Variants in ELAVL2 observed in about 807,000 individuals in gnomAD.
ELAVL2 encodes the protein ELAV like RNA binding protein 2, also known as ELAV-like protein 2.
In ELAVL2, 4 loss-of-function variants were observed where a neutral mutation model predicts 34.6. The ratio of observed to expected loss-of-function variants is 0.12; its 90% CI spans 0.06 to 0.26. The LOEUF (loss-of-function observed/expected upper bound fraction) is 0.26, where lower values mean the gene tolerates loss of function less well. Among genes scored for constraint, ELAVL2 ranks in the 10% least tolerant of loss-of-function variants. The probability of loss-of-function intolerance (pLI) is 1.00; values close to 1 mark genes in which losing one functional copy is unlikely to be tolerated. For synonymous variants in ELAVL2, 193 were observed against 154.8 expected (o/e 1.25, Z -1.83); for missense variants, 432 against 442.8 (o/e 0.98, Z 0.22).
In ELAVL2 at chr9:23,814,588, A is replaced by G. The variant is rs151256621; in HGVS notation, c.-16+11218T>C. 3.9e-4 allele frequency among the ~76,000 whole-genome samples: 60 copies of G among 152,320 alleles called. 1 individual carries two copies. In the East Asian group the frequency reaches 0.01, roughly 27 times the overall value. On this transcript the variant is annotated intron_variant, in intron 1 of 6. Transcript: ENST00000397312. ...CAGAAAAGACCCCAAGGGTTTTTAA[A>G]CAAAATAAGCCAGCAATCAGTAAAT...
intron 3 of ELAVL2, among the ~76,000 whole-genome samples, chr9:23,705,573 C>A (rs2039048207): frequency 6.6e-6 from 1 of 152,226 alleles, no homozygotes; most frequent in Non-Finnish European, 1.5e-5. Context: ...CAGTGGTCCC[C>A]AACCTTTTTG....
intron 2 of ELAVL2, 30 bp from the exon 3 acceptor site, chr9:23,731,155 T>C (rs376561798): frequency 8.2e-6 from 13 of 1,594,658 alleles, no homozygotes; most frequent in Middle Eastern, 1.7e-4. Flanking sequence ...AAAAGGCATA[T>C]ATTAGTTCTA....
chr9:23,847,389 T>A, the ELAVL2 span: 1 of 152,100 alleles, frequency 6.6e-6, no homozygotes, highest in African/African-American at 2.4e-5. Flanking sequence ...CTTTTATGCA[T>A]GAATACTTTT....
intron 2 of ELAVL2, among the ~76,000 whole-genome samples, chr9:23,755,262 G>C (rs1241306168): frequency 6.6e-6 from 1 of 152,086 alleles, no homozygotes; most frequent in African/African-American, 2.4e-5. Flanking sequence ...TACTGTATTT[G>C]ATTTCTTAAA....
Position 23,690,569 on chromosome 9 carries a change from A to G in ELAVL2, c.*1988T>C, listed in dbSNP as rs2032848647. 6.6e-6 allele frequency: 1 copy of G among 152,600 alleles called. No individual in the cohort carries two copies. Among genetic ancestry groups the G allele is most frequent in the African/African-American group, 2.4e-5 (1 of 41,452 alleles). 9.5% of individuals were successfully genotyped at this position (152,600 alleles called of 1,614,324 possible). On this transcript the variant is annotated 3_prime_UTR_variant, in exon 7 of 7. Coordinates refer to ENST00000397312, the MANE Select transcript of ELAVL2 (RefSeq NM_004432.5). ...AGTGGGTCAGCATGAAAACTCGCTTATTCACTTTAGCACGCGCCTCACAGT... is the reference window on the plus strand; with the variant it reads ...AGTGGGTCAGCATGAAAACTCGCTTGTTCACTTTAGCACGCGCCTCACAGT...
chr9:23,731,296 A>G (rs1246553419), intron 2 of ELAVL2, among the ~76,000 whole-genome samples, 171 bp from the exon 3 acceptor site: 2 of 152,018 alleles, frequency 1.3e-5, no homozygotes, highest in African/African-American at 4.8e-5. Context: ...TCTCCTGTCT[A>G]CTACATTTTC....
chr9:23,829,675 T>G (rs1322763748), upstream of ELAVL2: 4 of 152,294 alleles, frequency 2.6e-5, no homozygotes, highest in East Asian at 7.7e-4. Context: ...TAAAGTAGTA[T>G]GTGGACTTGC....
chr9:23,692,979 AT>A, intron 6 of ELAVL2, 95 bp from the exon 7 acceptor site: 1 of 1,139,482 alleles, frequency 8.8e-7, no homozygotes, highest in Non-Finnish European at 1.2e-6. Context: ...ATCCCCAAGA[AT>A]TTTAGTAACT....
At chr9:23,775,161 T>C (rs959912170) in intron 1 of ELAVL2, among the ~76,000 whole-genome samples, 3 of 152,174 alleles carry the variant, frequency 2.0e-5, no homozygotes, top group African/African-American at 7.2e-5. Context: ...ATCCTACAAC[T>C]AAAAGTAAAA....
intron 3 of ELAVL2, among the ~76,000 whole-genome samples, chr9:23,712,585 T>G (rs2041268669): frequency 6.6e-6 from 1 of 152,146 alleles, no homozygotes; most frequent in African/African-American, 2.4e-5. Context: ...ATCCTGAGAC[T>G]AGTACTTTCC....
In ELAVL2 at chr9:23,762,167, T is replaced by C; in HGVS notation, c.68A>G (p.Asn23Ser). ...NTANGPTTIN[N>S]NCSSPVDSGN... ...AGAGTCAACTGGTGACGAACAGTTG[T>C]TGTTTATGGTGGTTGGACCATTGGC... is the stretch of plus-strand genomic sequence containing the variant. Residue 23 changes from asparagine (N) to serine (S), a missense_variant, in exon 2 of 7, where the codon AAC (asparagine) becomes AGC (serine). Transcript: ENST00000397312. 1 of 1,613,658 alleles carries C rather than the reference T, an allele frequency of 6.2e-7. No homozygotes were observed. Among genetic ancestry groups the C allele is most frequent in the Non-Finnish European group, 8.5e-7 (1 of 1,179,660 alleles).
At position 23,701,570 on chromosome 9, in the gene ELAVL2, G is replaced by A. The variant is rs770729340; in HGVS notation, c.522C>T (p.Asp174=). 2.0e-5 allele frequency: 32 copies of A among 1,613,970 alleles called. No homozygotes were observed. In the South Asian group the frequency reaches 2.5e-4, roughly 13 times the overall value. Residue 174 remains aspartate (D), a synonymous_variant, in exon 5 of 7, where the codon GAC becomes GAT. Transcript: ENST00000397312. ...ISRGVGFIRF[D]KRIEAEEAIK... is the part of the protein sequence containing the mutation. ...TAGCTTCTTCTGCCTCAATTCGCTT[G>A]TCAAATCGAATAAACCCTACACCCC...
chr9:23,740,012 C>T (rs1217552977), intron 2 of ELAVL2, among the ~76,000 whole-genome samples: 7 of 152,104 alleles, frequency 4.6e-5, no homozygotes, highest in Admixed American at 4.6e-4. Flanking sequence ...CTCTAACAAA[C>T]TCACCAAGTC....
chr9:23,812,111 G>C (rs952901630), intron 1 of ELAVL2, among the ~76,000 whole-genome samples: 1 of 152,002 alleles, frequency 6.6e-6, no homozygotes, highest in Non-Finnish European at 1.5e-5. Flanking sequence ...TGCAAGAGTG[G>C]GGAGTGTGTG....
At chr9:23,748,639 T>C (rs1003112828) in intron 2 of ELAVL2, among the ~76,000 whole-genome samples, 2 of 152,122 alleles carry the variant, frequency 1.3e-5, no homozygotes, top group African/African-American at 2.4e-5. Flanking sequence ...TCCCTGCAAG[T>C]AGTCAGCAAT....
At chr9:23,829,549 T>C (rs2065432747), upstream of ELAVL2, 1 of 152,246 alleles carries the variant, frequency 6.6e-6, no homozygotes, top group Non-Finnish European at 1.5e-5. Flanking sequence ...TGTTATGTGT[T>C]AGTATGGTGG....
At chr9:23,810,372 G>A (rs1339461033) in intron 1 of ELAVL2, among the ~76,000 whole-genome samples, 2 of 152,066 alleles carry the variant, frequency 1.3e-5, no homozygotes, top group East Asian at 3.9e-4. Context: ...CATACTGCTA[G>A]GAGTGCTACA....
chr9:23,844,351 T>C, the ELAVL2 span, among the ~76,000 whole-genome samples: 26 of 152,230 alleles, frequency 1.7e-4, no homozygotes, highest in South Asian at 5.4e-3. Flanking sequence ...TAATGATGTC[T>C]GTTGAGTGAA....
chr9:23,800,363 G>C (rs1267445476), intron 1 of ELAVL2, among the ~76,000 whole-genome samples: 1 of 152,164 alleles, frequency 6.6e-6, no homozygotes, highest in Non-Finnish European at 1.5e-5. Context: ...TGCTCATGCA[G>C]GGGCCTAAGT....
Sources: gnomAD v4.1 joint callset for allele counts (sites outside exome capture counted in the v4.1 genomes callset) on GRCh38, gnomAD v4.1.1 for gene constraint, MANE v1.5 for transcripts, NCBI Gene and HGNC (gene_info 2026-07-23, HGNC 2026-07-21) for gene names.